Variants in CALD1 observed in about 807,000 individuals in gnomAD.
CALD1 encodes caldesmon 1.
A neutral mutation model predicts 99.9 loss-of-function variants in CALD1; 33 were observed. That is an observed-to-expected ratio of 0.33 (90% CI 0.25 to 0.44). The LOEUF is 0.44. Ranked by LOEUF, CALD1 falls within the 20% of genes least tolerant of loss-of-function variation. The pLI is 1.00. For synonymous variants in CALD1, 310 were observed against 325.0 expected, an observed-to-expected ratio of 0.95 and a Z score of 0.50; for missense variants, 861 against 962.1, an observed-to-expected ratio of 0.89 and a Z score of 1.39.
intron 1 of CALD1, among the ~76,000 whole-genome samples, chr7:134,816,924 T>A (rs7790396): frequency 0.012 from 1,752 of 152,306 alleles, 30 homozygotes; most frequent in African/African-American, 0.039. Flanking sequence ...AAAAATTATG[T>A]CTTCTGTTTT....
intron 14 of CALD1, among the ~76,000 whole-genome samples, chr7:134,967,736 T>C (rs1808782462): frequency 6.6e-6 from 1 of 152,002 alleles, no homozygotes; most frequent in Admixed American, 6.6e-5. Context: ...CAAAGCAACT[T>C]ACTTGACTCT....
At chr7:134,964,235 T>A (rs1808499801) in intron 13 of CALD1, among the ~76,000 whole-genome samples, 1 of 152,156 alleles carries the variant, frequency 6.6e-6, no homozygotes. Context: ...TTGTTTGGGC[T>A]GCCCGGCAAC....
At chr7:134,895,298 A>ATGTGTGTGTGTG (rs71172482) in intron 3 of CALD1, among the ~76,000 whole-genome samples, 12 of 138,646 alleles carry the variant, frequency 8.7e-5, no homozygotes, top group African/African-American at 2.9e-4. Context: ...TTATATATGT[A>ATGTGTGTGTGTG]TGTGTGTGTG....
rs779508995 is a variant in CALD1 at position 134,933,051 on chromosome 7, C to T, written c.282C>T (p.Ala94=). Residue 94 remains alanine, a synonymous_variant, in exon 5 of 15, where the codon GCC becomes GCT. Coordinates refer to ENST00000361675, the MANE Select transcript of CALD1 (RefSeq NM_033138.4). ...TNTQVEGDDE[A]AFLERLARRE... ...CTCAAGTGGAAGGGGATGATGAGGC[C>T]GCATTCCTGGAGCGCCTGGCTCGGC... The T allele has an allele frequency of 6.8e-6, 11 of 1,613,726 alleles. No homozygotes were observed. The highest frequency in any genetic ancestry group is 2.2e-5 in the East Asian group (1 of 44,862).
At chr7:134,916,308 T>G (rs986726687) in intron 3 of CALD1, among the ~76,000 whole-genome samples, 1 of 152,134 alleles carries the variant, frequency 6.6e-6, no homozygotes, top group Non-Finnish European at 1.5e-5. Context: ...TACAGTTTCC[T>G]GTCTGAAGAA....
At chr7:134,857,157 T>TA (rs1800337317) in intron 2 of CALD1, among the ~76,000 whole-genome samples, 2 of 128,994 alleles carry the variant, frequency 1.6e-5, no homozygotes, top group African/African-American at 6.1e-5. Context: ...TTTGCGCTAT[T>TA]CTTTTTTTTT....
the CALD1 span, among the ~76,000 whole-genome samples, chr7:134,729,196 A>T: frequency 1.3e-5 from 2 of 152,198 alleles, no homozygotes; most frequent in Admixed American, 6.5e-5. Flanking sequence ...GATTTTAGGT[A>T]ATAACTACTA....
chr7:134,965,212 A>G (rs1808580710), intron 13 of CALD1, 94 bp from the exon 14 acceptor site: 2 of 743,954 alleles, frequency 2.7e-6, no homozygotes, highest in Non-Finnish European at 2.5e-6. Flanking sequence ...CAACAAACTG[A>G]TTCAAATAAA....
upstream of CALD1, among the ~76,000 whole-genome samples, chr7:134,775,028 TA>T (rs5887706): frequency 0.57 from 85,870 of 151,828 alleles, 25,144 homozygotes; most frequent in East Asian, 0.88. Context: ...TACCCTATGA[TA>T]AAAAAAATTC....
At chr7:134,804,170 C>T (rs1018558621) in intron 1 of CALD1, among the ~76,000 whole-genome samples, 7 of 152,222 alleles carry the variant, frequency 4.6e-5, no homozygotes, top group African/African-American at 9.6e-5. Context: ...CCGTTCAATA[C>T]GGCATCTTCC....
At chr7:134,763,890 C>A (rs987696771) in intron 1 of CALD1, among the ~76,000 whole-genome samples, 1 of 148,074 alleles carries the variant, frequency 6.8e-6, no homozygotes, top group South Asian at 2.2e-4. Flanking sequence ...TGCACTCCAG[C>A]CTGGGTGACA....
Position 134,783,879 on chromosome 7 carries a change from G to A in CALD1, c.-130+4130G>A, listed in dbSNP as rs75807313. ...ACACAGATATATAGGTGGAGATTGC[G>A]TCATATGACCTCCATTTCAAAGAAA... On this transcript the variant is annotated intron_variant, in intron 1 of 14. Transcript: ENST00000361675. The surrounding 1 kb of genome is among the most constrained non-coding windows in gnomAD (Gnocchi z 4.3). Among the ~76,000 whole-genome samples, 1,415 of 152,164 alleles carry A rather than the reference G, an allele frequency of 9.3e-3. 24 individuals carry two copies. The highest frequency in any genetic ancestry group is 0.032 in the African/African-American group (1,344 of 41,500).
At chr7:134,714,805 C>T in the CALD1 span, among the ~76,000 whole-genome samples, 6 of 152,086 alleles carry the variant, frequency 3.9e-5, no homozygotes, top group African/African-American at 4.8e-5. Flanking sequence ...TGATAACTTC[C>T]GGGTGTTGCC....
intron 1 of CALD1, among the ~76,000 whole-genome samples, chr7:134,800,324 T>G (rs1797895578): frequency 1.3e-5 from 2 of 152,160 alleles, no homozygotes; most frequent in South Asian, 4.1e-4. Flanking sequence ...TCTGATATTC[T>G]TACTAATTAA....
intron 14 of CALD1, among the ~76,000 whole-genome samples, chr7:134,966,034 T>C (rs1275162149): frequency 2.0e-5 from 3 of 152,152 alleles, no homozygotes; most frequent in African/African-American, 7.2e-5. Flanking sequence ...AATGAGCTCA[T>C]TCAACTCCCA....
intron 7 of CALD1, among the ~76,000 whole-genome samples, chr7:134,943,349 T>C (rs1253214624): frequency 2.0e-5 from 3 of 152,156 alleles, no homozygotes; most frequent in African/African-American, 7.2e-5. Context: ...ATTTCCACAT[T>C]AAGTGGCACC....
intron 1 of CALD1, among the ~76,000 whole-genome samples, chr7:134,764,338 T>C (rs531041619): frequency 2.6e-5 from 4 of 152,320 alleles, no homozygotes; most frequent in African/African-American, 9.6e-5. Flanking sequence ...TTGTTTGCAT[T>C]TTTAAATTCT....
intron 7 of CALD1, 151 bp from the exon 8 acceptor site, chr7:134,947,357 G>A: frequency 1.3e-6 from 1 of 747,690 alleles, no homozygotes; most frequent in South Asian, 1.9e-5. Flanking sequence ...TGTGATTCCG[G>A]GCAGACCCCT....
At chr7:134,810,498 C>T (rs1798311795) in intron 1 of CALD1, among the ~76,000 whole-genome samples, 1 of 152,144 alleles carries the variant, frequency 6.6e-6, no homozygotes, top group South Asian at 2.1e-4. Context: ...TCCTGCCTAG[C>T]ACCCTGGGAC....
Sources: allele counts gnomAD v4.1 joint callset (sites outside exome capture counted in the v4.1 genomes callset), GRCh38; gene constraint gnomAD v4.1.1; non-coding constraint Gnocchi (gnomAD v3.1); transcripts MANE v1.5; gene names NCBI Gene and HGNC (gene_info 2026-07-23, HGNC 2026-07-21).